The following EXD2 variants were observed in gnomAD, a reference collection of about 807,000 sequenced individuals.
EXD2 encodes the protein exonuclease 3'-5' domain containing 2, also known as exonuclease 3'-5' domain-containing protein 2.
Under a neutral mutation model 62.5 loss-of-function variants are expected in EXD2, and 40 were observed. The observed-to-expected ratio is 0.64, with a 90% CI of 0.50 to 0.83. The LOEUF (loss-of-function observed/expected upper bound fraction) is 0.83. Among genes scored for constraint, EXD2 ranks in the 40% least tolerant of loss-of-function variants. The probability of loss-of-function intolerance (pLI) is 0.00; values close to 1 mark genes in which losing one functional copy is unlikely to be tolerated. For missense variants in EXD2, 671 were observed against 761.8 expected, an observed-to-expected ratio of 0.88 and a Z score of 1.40; for synonymous variants, 239 against 291.9, an observed-to-expected ratio of 0.82 and a Z score of 1.85.
chr14:69,210,813 G>GA (rs924461419), intron 3 of EXD2, among the ~76,000 whole-genome samples: 6 of 150,608 alleles, frequency 4.0e-5, no homozygotes, highest in African/African-American at 9.8e-5. Flanking sequence ...CTGTCTCGGG[G>GA]AAAAAAAAAT....
intron 3 of EXD2, among the ~76,000 whole-genome samples, chr14:69,227,758 C>T (rs1254019869): frequency 1.3e-5 from 2 of 152,038 alleles, no homozygotes; most frequent in African/African-American, 2.4e-5. Context: ...AGCTTGAACT[C>T]GGGAGGCGGA....
chr14:69,210,719 A>G (rs1453315447), intron 3 of EXD2, among the ~76,000 whole-genome samples: 2 of 152,054 alleles, frequency 1.3e-5, no homozygotes, highest in Non-Finnish European at 2.9e-5. Context: ...CTGAGGCAGG[A>G]GGATTGCTTG....
At chr14:69,200,922 A>G (rs2042375651) in intron 1 of EXD2, among the ~76,000 whole-genome samples, 2 of 151,538 alleles carry the variant, frequency 1.3e-5, no homozygotes, top group Non-Finnish European at 2.9e-5. Flanking sequence ...AAAAATACAA[A>G]AATTAACCGG....
intron 1 of EXD2, among the ~76,000 whole-genome samples, chr14:69,197,709 A>G (rs1244723247): frequency 1.3e-5 from 2 of 151,224 alleles, no homozygotes; most frequent in Non-Finnish European, 2.9e-5. Context: ...GCATTAATTC[A>G]CTCAGGTCGT....
At chr14:69,199,114 C>T (rs533716401) in intron 1 of EXD2, among the ~76,000 whole-genome samples, 13 of 152,272 alleles carry the variant, frequency 8.5e-5, no homozygotes, top group African/African-American at 2.9e-4. Context: ...TGTGGTGGCA[C>T]ACGCCTGTAG....
chr14:69,200,031 T>A (rs1391071413), intron 1 of EXD2, among the ~76,000 whole-genome samples: 1 of 152,244 alleles, frequency 6.6e-6, no homozygotes, highest in African/African-American at 2.4e-5. Context: ...TAACGCATTG[T>A]GCAGCAACGT....
chr14:69,240,728 G>T (rs1389707376), intron 9 of EXD2, among the ~76,000 whole-genome samples, 156 bp from the exon 10 acceptor site: 1 of 152,164 alleles, frequency 6.6e-6, no homozygotes, highest in African/African-American at 2.4e-5. Context: ...AAAGGGCAGA[G>T]ATAAGAAAGA....
At chr14:69,202,919 T>C (rs77684563) in intron 1 of EXD2, among the ~76,000 whole-genome samples, 5,717 of 152,350 alleles carry the variant, frequency 0.038, 120 homozygotes, top group African/African-American at 0.061. Flanking sequence ...AATTTTAATT[T>C]ACTACAAGCT....
intron 5 of EXD2, 52 bp downstream of exon 5, chr14:69,230,650 T>C: frequency 6.5e-7 from 1 of 1,544,944 alleles, no homozygotes; most frequent in South Asian, 1.2e-5. Context: ...TTCTGAAGTA[T>C]AACTGTTTAT....
rs2044040636 is a variant in EXD2, at chr14:69,243,817, G to C, written c.*2717G>C. 1 of 152,182 alleles carries C rather than the reference G, an allele frequency of 6.6e-6. No homozygotes were observed. Among genetic ancestry groups the C allele is most frequent in the Non-Finnish European group, 1.5e-5 (1 of 68,040 alleles). The allele number at this position is 152,182 out of a possible 1,614,324, so 9.4% of individuals were successfully genotyped here. A position where few individuals can be genotyped will look rare whatever the true frequency, so the allele number is the denominator to read the frequency against. ...CTGGGCTTCATAGGAGTAGCAGTGA[G>C]AGGACAGTGTCACAGCAAGGGCCTC... is the stretch of plus-strand genomic sequence containing the variant. On this transcript the variant is annotated 3_prime_UTR_variant, in exon 10 of 10. Coordinates refer to ENST00000685843, the MANE Select transcript of EXD2 (RefSeq NM_001193360.2).
chr14:69,213,581 T>G (rs2042891843), intron 3 of EXD2, among the ~76,000 whole-genome samples: 1 of 145,176 alleles, frequency 6.9e-6, no homozygotes, highest in Admixed American at 7.2e-5. Context: ...CTTGTTGTGT[T>G]GCCCTGGCTG....
At chr14:69,195,213 T>G in intron 1 of EXD2, among the ~76,000 whole-genome samples, 1 of 89,770 alleles carries the variant, frequency 1.1e-5, no homozygotes. Flanking sequence ...CGAGACTCTG[T>G]CTCAAAAAAA....
intron 3 of EXD2, among the ~76,000 whole-genome samples, chr14:69,212,919 C>CG (rs1459823149): frequency 1.3e-5 from 2 of 151,258 alleles, no homozygotes; most frequent in Non-Finnish European, 2.9e-5. Flanking sequence ...CGGTGTGGTC[C>CG]GGGCTGGTTT....
rs902507379 is a variant in EXD2 at position 69,209,790 on chromosome 14, T to C, written c.320T>C (p.Ile107Thr). ...TTAGAAGATTTTCCAGTACTTGGAA[T>C]TGACTGTGAGTGGGTAAGTTAAAAA... Reference protein sequence around the residue: ...SELEDFPVLGIDCEWVNLEGK... With the variant: ...SELEDFPVLGTDCEWVNLEGK... Residue 107 changes from isoleucine (I) to threonine (T), a missense_variant, in exon 3 of 10, where the codon ATT becomes ACT. Transcript: ENST00000685843. 4 of 1,481,854 alleles carry C rather than the reference T, an allele frequency of 2.7e-6. No individual in the cohort carries two copies. In the African/African-American group the frequency reaches 5.7e-5, roughly 21 times the overall value. 91.8% of individuals were successfully genotyped at this position (1,481,854 alleles called of 1,614,324 possible). A position where few individuals can be genotyped will look rare whatever the true frequency, so the allele number is the denominator to read the frequency against.
intron 5 of EXD2, among the ~76,000 whole-genome samples, chr14:69,232,584 A>G (rs1280471539): frequency 2.6e-5 from 4 of 152,152 alleles, no homozygotes; most frequent in African/African-American, 9.7e-5. Flanking sequence ...CATTAGAGCC[A>G]TCCTAGTAGG....
In EXD2 at chr14:69,199,041, C is replaced by T. The variant is rs544838680; in HGVS notation, c.-131-4876C>T. 4.7e-3 allele frequency among the ~76,000 whole-genome samples: 714 copies of T among 152,272 alleles called. 1 individual carries two copies. Among genetic ancestry groups the T allele is most frequent in the African/African-American group, 0.014 (583 of 41,562 alleles). Reference sequence around the variant, plus strand: ...GGCAGATCACCTGAGGTCAGGAGTTCGAGACCAGCCTGGCCAACATGGTGA... The same window carrying T: ...GGCAGATCACCTGAGGTCAGGAGTTTGAGACCAGCCTGGCCAACATGGTGA... On this transcript the variant is annotated intron_variant, in intron 1 of 9. Transcript: ENST00000685843.
At position 69,235,150 on chromosome 14, in the gene EXD2, G is replaced by C. The variant is rs988109953; in HGVS notation, c.1049+119G>C. ...GTAGGGGAGCAGCAGCTCTCCCGGG[G>C]TTAATCTTGCTTTTTCTTTCCATCA... is the stretch of plus-strand genomic sequence containing the variant. On this transcript the variant is annotated intron_variant, in intron 6 of 9. Transcript: ENST00000685843. The C allele has an allele frequency of 5.0e-5, 40 of 802,678 alleles. No homozygotes were observed. The East Asian group carries it at 9.8e-4, about 20-fold the overall frequency. 49.7% of individuals were successfully genotyped at this position (802,678 alleles called of 1,614,324 possible). A position where few individuals can be genotyped will look rare whatever the true frequency, so the allele number is the denominator to read the frequency against.
intron 3 of EXD2, among the ~76,000 whole-genome samples, chr14:69,224,689 A>G (rs1483642233): frequency 6.6e-6 from 1 of 152,140 alleles, no homozygotes; most frequent in Non-Finnish European, 1.5e-5. Context: ...GCTTAGAGTA[A>G]AATGCAGATG....
At chr14:69,207,451 G>A (rs910373990) in intron 2 of EXD2, among the ~76,000 whole-genome samples, 1 of 152,108 alleles carries the variant, frequency 6.6e-6, no homozygotes, top group African/African-American at 2.4e-5. Flanking sequence ...CCGAGATCAT[G>A]CCACTGCACA....
Sources: gnomAD v4.1 joint callset for allele counts (sites outside exome capture counted in the v4.1 genomes callset) on GRCh38, gnomAD v4.1.1 for gene constraint, MANE v1.5 for transcripts, NCBI Gene and HGNC (gene_info 2026-07-23, HGNC 2026-07-21) for gene names.